The following RAMP3 variants were observed in gnomAD, a reference collection of about 807,000 sequenced individuals.
RAMP3 encodes the protein receptor activity-modifying protein 3.
A neutral mutation model predicts 13.5 loss-of-function variants in RAMP3; 14 were observed. The observed-to-expected ratio is 1.04, with a 90% confidence interval of 0.69 to 1.63. The LOEUF (loss-of-function observed/expected upper bound fraction) is 1.63. Ranked by LOEUF, RAMP3 falls within the 40% of genes most tolerant of loss-of-function variation. The probability of loss-of-function intolerance (pLI) is 0.00; values close to 1 mark genes in which losing one functional copy is unlikely to be tolerated. For missense variants in RAMP3, 200 were observed against 204.8 expected (o/e 0.98, Z 0.14); for synonymous variants, 106 against 88.3 (o/e 1.20, Z -1.12).
Position 45,184,201 on chromosome 7 carries a change from A to G in RAMP3, c.*789A>G. On this transcript the variant is annotated 3_prime_UTR_variant, in exon 3 of 3. Transcript: ENST00000242249. Reference sequence around the variant, plus strand: ...GGCATCCCATGAGCTTGTGGCCTCTATCTGCTACCATCTGTGTTTTATCTG... The same window carrying G: ...GGCATCCCATGAGCTTGTGGCCTCTGTCTGCTACCATCTGTGTTTTATCTG... 2.5e-6 allele frequency: 1 copy of G among 398,660 alleles called. No homozygotes were observed. The highest frequency in any genetic ancestry group is 4.4e-6 in the Non-Finnish European group (1 of 226,148). 24.7% of individuals were successfully genotyped at this position (398,660 alleles called of 1,614,324 possible). A position where few individuals can be genotyped will look rare whatever the true frequency, so the allele number is the denominator to read the frequency against.
At chr7:45,164,795 A>G (rs1283971821) in intron 1 of RAMP3, among the ~76,000 whole-genome samples, 1 of 152,212 alleles carries the variant, frequency 6.6e-6, no homozygotes, top group Non-Finnish European at 1.5e-5. Context: ...GATTAGTGGT[A>G]GCAAGATGTG....
At chr7:45,161,460 A>G (rs553271001) in intron 1 of RAMP3, among the ~76,000 whole-genome samples, 1 of 152,230 alleles carries the variant, frequency 6.6e-6, no homozygotes, top group East Asian at 1.9e-4. Flanking sequence ...TTAATGTGAA[A>G]ATGTGGCAGA....
intron 2 of RAMP3, among the ~76,000 whole-genome samples, chr7:45,179,223 C>T (rs1429385584): frequency 6.6e-6 from 1 of 152,112 alleles, no homozygotes; most frequent in Non-Finnish European, 1.5e-5. Flanking sequence ...AGGATTGGAG[C>T]TGTCCTTTCT....
At chr7:45,178,974 G>A (rs1252069625) in intron 2 of RAMP3, among the ~76,000 whole-genome samples, 1 of 152,098 alleles carries the variant, frequency 6.6e-6, no homozygotes, top group Non-Finnish European at 1.5e-5. Flanking sequence ...CCCACGACCC[G>A]GCCGGCAGCA....
In RAMP3 at chr7:45,183,304, C is replaced by A; in HGVS notation, c.339C>A (p.Asp113Glu). 6.2e-7 allele frequency: 1 copy of A among 1,613,884 alleles called. No homozygotes were observed. Among genetic ancestry groups the A allele is most frequent in the Non-Finnish European group, 8.5e-7 (1 of 1,179,990 alleles). Residue 113 changes from aspartate to glutamate, a missense_variant, in exon 3 of 3, where the codon GAC becomes GAA. Physicochemically the swap from Asp to Glu is conservative, Grantham distance 45. Transcript: ENST00000242249. The stretch of plus-strand genomic sequence containing the variant: ...CCGTGGACAGGGTCCACTTGGAGGA[C>A]CCCCCAGACGAGGTTCTCATCCCGC... ...NCTVDRVHLE[D>E]PPDEVLIPLI...
intron 1 of RAMP3, among the ~76,000 whole-genome samples, chr7:45,174,467 A>G (rs187069790): frequency 4.6e-5 from 7 of 152,294 alleles, no homozygotes; most frequent in Non-Finnish European, 8.8e-5. Context: ...TGCTTTGGGC[A>G]CCTGGACCCA....
At chr7:45,177,564 C>T in intron 2 of RAMP3, 123 bp downstream of exon 2, 1 of 1,387,812 alleles carries the variant, frequency 7.2e-7, no homozygotes, top group Non-Finnish European at 9.9e-7. Flanking sequence ...ACCCACAACC[C>T]ACCGTAGGCC....
At chr7:45,171,335 T>C (rs1385544306) in intron 1 of RAMP3, among the ~76,000 whole-genome samples, 1 of 152,082 alleles carries the variant, frequency 6.6e-6, no homozygotes, top group East Asian at 1.9e-4. Flanking sequence ...TTTGTATTTT[T>C]AGTAGAGATG....
intron 1 of RAMP3, chr7:45,163,799 A>G (rs1785908728): frequency 1.0e-6 from 1 of 985,304 alleles, no homozygotes; most frequent in Non-Finnish European, 1.2e-6. Flanking sequence ...GCTCCGTGCC[A>G]GTGGGGCATC....
intron 1 of RAMP3, among the ~76,000 whole-genome samples, chr7:45,162,368 C>T (rs10951801): frequency 0.27 from 40,302 of 152,080 alleles, 6,381 homozygotes; most frequent in African/African-American, 0.44. Context: ...AGGTGGGGAT[C>T]GGGGACCAGG....
intron 2 of RAMP3, among the ~76,000 whole-genome samples, chr7:45,179,209 G>A (rs1786254744): frequency 6.6e-6 from 1 of 152,148 alleles, no homozygotes; most frequent in Non-Finnish European, 1.5e-5. Flanking sequence ...GGGTGGTCTA[G>A]GGTAGGATTG....
At chr7:45,178,222 T>C (rs996032014) in intron 2 of RAMP3, among the ~76,000 whole-genome samples, 2 of 152,150 alleles carry the variant, frequency 1.3e-5, no homozygotes, top group South Asian at 4.1e-4. Flanking sequence ...ATATCAGGTG[T>C]AATTGTGGAC....
chr7:45,183,419 C>G lies in RAMP3; in HGVS notation c.*7C>G, dbSNP rs11982639. ...CACCGACACGCTGCTGTGAGGGTCC[C>G]GGTGAGATGGAGTGGGTCACACCTG... On this transcript the variant is annotated 3_prime_UTR_variant, in exon 3 of 3. Transcript: ENST00000242249. The G allele has an allele frequency of 0.24, 386,356 of 1,610,186 alleles. 48,749 individuals are homozygous for G. The highest frequency in any genetic ancestry group is 0.43 in the African/African-American group (31,957 of 74,980).
At chr7:45,173,233 A>G (rs1469786883) in intron 1 of RAMP3, among the ~76,000 whole-genome samples, 2 of 152,216 alleles carry the variant, frequency 1.3e-5, no homozygotes, top group African/African-American at 2.4e-5. Flanking sequence ...CCAGGCTTTC[A>G]GTTGTTTTCA....
chr7:45,174,835 G>A (rs1786149009), intron 1 of RAMP3, among the ~76,000 whole-genome samples: 1 of 152,152 alleles, frequency 6.6e-6, no homozygotes, highest in African/African-American at 2.4e-5. Flanking sequence ...AGGTCCTGAA[G>A]ACAGGAACCA....
At chr7:45,158,888 G>C (rs1194146739) in intron 1 of RAMP3, among the ~76,000 whole-genome samples, 1 of 152,258 alleles carries the variant, frequency 6.6e-6, no homozygotes, top group East Asian at 1.9e-4. Flanking sequence ...CTAGGATGTG[G>C]TGGATTTTGT....
chr7:45,159,317 G>A lies in RAMP3; in HGVS notation c.58+1431G>A, dbSNP rs577721255. Reference sequence around the variant, plus strand: ...CAGGGAGAGGTAAAACTTGCTCATGGTCCCAGGCCGATGTGTCAGAGGTAT... The same window carrying A: ...CAGGGAGAGGTAAAACTTGCTCATGATCCCAGGCCGATGTGTCAGAGGTAT... On this transcript the variant is annotated intron_variant, in intron 1 of 2. Transcript: ENST00000242249. Among the ~76,000 whole-genome samples, 9 of 152,270 alleles carry A rather than the reference G, an allele frequency of 5.9e-5. No individual in the cohort carries two copies. In the East Asian group the frequency reaches 1.7e-3, roughly 29 times the overall value.
chr7:45,160,984 A>G (rs1007101079), intron 1 of RAMP3, among the ~76,000 whole-genome samples: 1 of 152,194 alleles, frequency 6.6e-6, no homozygotes, highest in Non-Finnish European at 1.5e-5. Context: ...TGGGGAGGGC[A>G]CTTGGTTTCT....
chr7:45,177,767 C>T (rs575638919), intron 2 of RAMP3, among the ~76,000 whole-genome samples: 3 of 152,312 alleles, frequency 2.0e-5, no homozygotes, highest in East Asian at 1.9e-4. Context: ...AGCTTCCTAC[C>T]CCCCATTCCG....
Sources: gnomAD v4.1 joint callset for allele counts (sites outside exome capture counted in the v4.1 genomes callset) on GRCh38, gnomAD v4.1.1 for gene constraint, MANE v1.5 for transcripts, NCBI Gene and HGNC (gene_info 2026-07-23, HGNC 2026-07-21) for gene names.